The following IL1RAPL1 variants were observed in gnomAD, a reference collection of about 807,000 sequenced individuals.
The protein encoded by IL1RAPL1 is interleukin-1 receptor accessory protein-like 1.
In IL1RAPL1, 3 loss-of-function variants were observed where a neutral mutation model predicts 48.4. The observed-to-expected ratio is 0.06, with a 90% CI of 0.03 to 0.16. The LOEUF is 0.16. IL1RAPL1 is among the 10% of genes least tolerant of loss of function. The pLI, the probability that IL1RAPL1 is intolerant of heterozygous loss-of-function variation, is 1.00. For missense variants in IL1RAPL1, 349 were observed against 530.6 expected (o/e 0.66, Z 3.36); for synonymous variants, 185 against 187.7 (o/e 0.99, Z 0.12).
chrX:28,817,506 A>C (rs753942286), intron 2 of IL1RAPL1, among the ~76,000 whole-genome samples: 25 of 111,451 alleles, frequency 2.2e-4, no homozygotes, highest in Non-Finnish European at 4.0e-4. Context: ...TGGCAGAGTC[A>C]ATATAATGCA....
At chrX:29,889,856 T>C (rs1932241210) in intron 6 of IL1RAPL1, among the ~76,000 whole-genome samples, 1 of 110,281 alleles carries the variant, frequency 9.1e-6, no homozygotes, top group African/African-American at 3.3e-5. Context: ...CTATCCTTTT[T>C]AACTGTTTCA....
intron 2 of IL1RAPL1, among the ~76,000 whole-genome samples, chrX:28,940,432 GT>G (rs779378016): frequency 2.7e-5 from 3 of 111,072 alleles, no homozygotes; most frequent in African/African-American, 6.5e-5. Flanking sequence ...TTCTAGAAGT[GT>G]TTTTTTCCTG....
At chrX:29,538,336 T>TTA (rs1228408916) in intron 5 of IL1RAPL1, among the ~76,000 whole-genome samples, 3 of 71,908 alleles carry the variant, frequency 4.2e-5, no homozygotes, top group African/African-American at 2.0e-4. Flanking sequence ...TTCTTTTCTT[T>TTA]TCTTTTTTTT....
intron 3 of IL1RAPL1, among the ~76,000 whole-genome samples, chrX:29,348,437 G>A (rs1462741600): frequency 8.9e-6 from 1 of 112,150 alleles, no homozygotes; most frequent in Non-Finnish European, 1.9e-5. Context: ...GATCATATCT[G>A]GGTGTAAGGA....
At chrX:29,787,772 G>A (rs1179737940) in intron 6 of IL1RAPL1, among the ~76,000 whole-genome samples, 1 of 111,721 alleles carries the variant, frequency 9.0e-6, no homozygotes, top group Non-Finnish European at 1.9e-5. Flanking sequence ...TCTTTACTAG[G>A]TTTGTCAGTA....
At chrX:29,912,118 C>A (rs1337627584) in intron 6 of IL1RAPL1, among the ~76,000 whole-genome samples, 1 of 111,541 alleles carries the variant, frequency 9.0e-6, no homozygotes, top group African/African-American at 3.3e-5. Context: ...CTGTGCTTAA[C>A]AGCCTGCTCA....
intron 2 of IL1RAPL1, among the ~76,000 whole-genome samples, chrX:28,803,567 G>A (rs956099885): frequency 1.4e-4 from 16 of 111,624 alleles, no homozygotes; most frequent in South Asian, 3.7e-4. Context: ...TTATAAATGC[G>A]TTTTCAAACG....
chrX:28,710,000 T>G (rs1935421136), intron 1 of IL1RAPL1, among the ~76,000 whole-genome samples: 1 of 111,849 alleles, frequency 8.9e-6, no homozygotes, highest in Non-Finnish European at 1.9e-5. Flanking sequence ...AGATGGAGGC[T>G]CATCTATTTT....
chrX:28,981,129 GGAAAGAAA>G (rs1183992485), intron 2 of IL1RAPL1, among the ~76,000 whole-genome samples: 1 of 47,273 alleles, frequency 2.1e-5, no homozygotes. Context: ...AAAAAAAAAA[GGAAAGAAA>G]GAAAGAAAAG....
intron 2 of IL1RAPL1, among the ~76,000 whole-genome samples, chrX:29,191,472 C>T (rs1008408577): frequency 9.0e-6 from 1 of 111,464 alleles, no homozygotes; most frequent in African/African-American, 3.3e-5. Context: ...CAGTGGTTTC[C>T]TTCTTCATTT....
intron 2 of IL1RAPL1, among the ~76,000 whole-genome samples, chrX:29,043,299 T>A (rs1926884855): frequency 9.0e-6 from 1 of 111,356 alleles, no homozygotes; most frequent in African/African-American, 3.3e-5. Flanking sequence ...TGAAAATCCA[T>A]CCCCTATCCT....
intron 2 of IL1RAPL1, among the ~76,000 whole-genome samples, chrX:29,194,864 C>T (rs990923158): frequency 2.8e-5 from 3 of 108,897 alleles, no homozygotes; most frequent in Non-Finnish European, 5.7e-5. Flanking sequence ...AATGCATTGT[C>T]ATTACTTTTT....
chrX:29,531,658 T>C (rs1032549040), intron 5 of IL1RAPL1, among the ~76,000 whole-genome samples: 4 of 111,934 alleles, frequency 3.6e-5, no homozygotes, highest in African/African-American at 1.3e-4. Flanking sequence ...AGAAATGTAT[T>C]CTCACAGTTT....
intron 1 of IL1RAPL1, among the ~76,000 whole-genome samples, chrX:28,762,474 G>A (rs1936183437): frequency 9.0e-6 from 1 of 111,235 alleles, no homozygotes; most frequent in African/African-American, 3.3e-5. Flanking sequence ...GAAAAAAGAA[G>A]TAACGTTATC....
chrX:28,971,491 A>G (rs925452539), intron 2 of IL1RAPL1, among the ~76,000 whole-genome samples: 7 of 112,045 alleles, frequency 6.2e-5, no homozygotes, highest in Non-Finnish European at 9.4e-5. Flanking sequence ...GACCTATAAG[A>G]GCAAGACAAG....
Position 29,915,390 on chromosome X carries a change from A to ATATT in IL1RAPL1, c.779-2073_779-2070dup, listed in dbSNP as rs760005600. ...AAAATAGAGAAGGCTATATCATGCC[A>ATATT]TATTAGAAATATTAGAAGAGCAATA... On this transcript the variant is annotated intron_variant, in intron 6 of 10. Transcript: ENST00000378993. Among the ~76,000 whole-genome samples, 389 of 112,102 alleles carry ATATT rather than the reference A, an allele frequency of 3.5e-3. 4 individuals are homozygous for ATATT. The highest frequency in any genetic ancestry group is 5.4e-3 in the Non-Finnish European group (285 of 53,231).
At chrX:29,316,125 G>A (rs1414601491) in intron 3 of IL1RAPL1, among the ~76,000 whole-genome samples, 1 of 112,089 alleles carries the variant, frequency 8.9e-6, no homozygotes, top group Non-Finnish European at 1.9e-5. Context: ...CATTTTAACA[G>A]TCTCCTCCTT....
At position 29,956,328 on chromosome X, in the gene IL1RAPL1, GAAAA is replaced by G; in HGVS notation, c.*527_*530del. Reference sequence around the variant, plus strand: ...CAAATGCCAGCATTGCCATTCGGGGGAAAAAAAAAAAAAAAAAAAAAAGATGAGA... The same window carrying G: ...CAAATGCCAGCATTGCCATTCGGGGGAAAAAAAAAAAAAAAAAAGATGAGA... On this transcript the variant is annotated 3_prime_UTR_variant, in exon 11 of 11. Coordinates refer to ENST00000378993, the MANE Select transcript of IL1RAPL1 (RefSeq NM_014271.4). 4 of 57,001 alleles carry G rather than the reference GAAAA, an allele frequency of 7.0e-5. No individual in the cohort carries two copies. Among genetic ancestry groups the G allele is most frequent in the Middle Eastern group, 0.01 (1 of 97 alleles). 4.7% of individuals were successfully genotyped at this position (57,001 alleles called of 1,213,427 possible). A position where few individuals can be genotyped will look rare whatever the true frequency, so the allele number is the denominator to read the frequency against.
Position 29,606,077 on chromosome X carries a change from A to G in IL1RAPL1, c.704-62353A>G, listed in dbSNP as rs765376019. On this transcript the variant is annotated intron_variant, in intron 5 of 10. Transcript: ENST00000378993. ...CTAACATCTGAATGATTACTTCTAA[A>G]TATTTTTCTCTACTTAATTTTCTAT... 5.3e-5 allele frequency among the ~76,000 whole-genome samples: 6 copies of G among 112,262 alleles called. No individual in the cohort carries two copies. In the East Asian group the frequency reaches 1.7e-3, roughly 31 times the overall value.
Sources: allele counts gnomAD v4.1 joint callset (sites outside exome capture counted in the v4.1 genomes callset), GRCh38; gene constraint gnomAD v4.1.1; transcripts MANE v1.5; gene names NCBI Gene and HGNC (gene_info 2026-07-23, HGNC 2026-07-21).